Variants in FOCAD observed in about 807,000 individuals in gnomAD.
The protein encoded by FOCAD is KIAA1797.
A neutral mutation model predicts 225.6 loss-of-function variants in FOCAD; 198 were observed. The observed-to-expected ratio is 0.88, with a 90% CI of 0.78 to 0.99. The LOEUF is 0.99. FOCAD is among the 50% of genes least tolerant of loss of function. FOCAD has a pLI of 0.00. For missense variants in FOCAD, 2,713 were observed against 2,123.6 expected (o/e 1.28, Z -5.46); for synonymous variants, 897 against 755.0 (o/e 1.19, Z -3.08).
rs550289375 is a variant in FOCAD at position 20,696,802 on chromosome 9, TATA to T, written c.-33+12533_-33+12535del. 1.7e-3 allele frequency among the ~76,000 whole-genome samples: 257 copies of T among 150,914 alleles called. 1 individual carries two copies. Among genetic ancestry groups the T allele is most frequent in the African/African-American group, 5.1e-3 (212 of 41,198 alleles). ...CCTGGGTGACAGCAAGACTCTATCT[TATA>T]ATAATAATAATAATAATAATAATTA... On this transcript the variant is annotated intron_variant, in intron 1 of 43. Transcript: ENST00000338382.
chr9:20,934,960 G>A (rs1304355817), intron 28 of FOCAD, among the ~76,000 whole-genome samples: 2 of 152,084 alleles, frequency 1.3e-5, no homozygotes, highest in Non-Finnish European at 2.9e-5. Flanking sequence ...AAACACTGCT[G>A]AAAGAAATCA....
At chr9:20,723,712 C>A (rs890955478) in intron 4 of FOCAD, among the ~76,000 whole-genome samples, 8 of 152,034 alleles carry the variant, frequency 5.3e-5, no homozygotes, top group African/African-American at 1.9e-4. Context: ...GAAATAGTAG[C>A]CTATTACATA....
chr9:20,959,298 A>G (rs969321617), intron 35 of FOCAD, among the ~76,000 whole-genome samples: 5 of 152,110 alleles, frequency 3.3e-5, no homozygotes, highest in Admixed American at 1.3e-4. Context: ...ATGATTAGTG[A>G]TGCTGAGCAG....
In FOCAD at chr9:20,715,420, T is replaced by A; in HGVS notation, c.57+10T>A. The A allele has an allele frequency of 6.7e-7, 1 of 1,483,112 alleles. No individual in the cohort carries two copies. The highest frequency in any genetic ancestry group is 9.1e-7 in the Non-Finnish European group (1 of 1,104,616). 91.9% of individuals were successfully genotyped at this position (1,483,112 alleles called of 1,614,324 possible). On this transcript the variant is annotated intron_variant, in intron 2 of 43. Transcript: ENST00000338382. ...TCTTATCCAATCACAGGTAATTTTG[T>A]TTGTTTATTTTTGCTCATGGTAACA...
intron 1 of FOCAD, among the ~76,000 whole-genome samples, chr9:20,689,951 T>C (rs776848381): frequency 3.3e-5 from 5 of 152,228 alleles, no homozygotes; most frequent in Non-Finnish European, 5.9e-5. Flanking sequence ...GCCTATTTGC[T>C]TTGATGTACC....
At chr9:20,749,605 A>G (rs1828362905) in intron 5 of FOCAD, among the ~76,000 whole-genome samples, 1 of 152,180 alleles carries the variant, frequency 6.6e-6, no homozygotes, top group Non-Finnish European at 1.5e-5. Context: ...TTTAAAATGC[A>G]TATTTGATGT....
chr9:20,770,465 G>A (rs1389490167), intron 8 of FOCAD, among the ~76,000 whole-genome samples: 1 of 151,370 alleles, frequency 6.6e-6, no homozygotes, highest in African/African-American at 2.4e-5. Flanking sequence ...AGGAGTGAGA[G>A]AGAGGAGTGG....
At chr9:20,947,994 T>C (rs1441744151) in intron 30 of FOCAD, among the ~76,000 whole-genome samples, 1 of 152,140 alleles carries the variant, frequency 6.6e-6, no homozygotes, top group African/African-American at 2.4e-5. Context: ...TTGTTTGAGC[T>C]AAGCTGCTCA....
At chr9:20,772,481 G>C (rs1818336577) in intron 8 of FOCAD, among the ~76,000 whole-genome samples, 2 of 152,066 alleles carry the variant, frequency 1.3e-5, no homozygotes, top group Non-Finnish European at 2.9e-5. Flanking sequence ...ATGTCTAGAA[G>C]GATCATATAT....
At chr9:20,770,498 C>T (rs1465532685) in intron 8 of FOCAD, among the ~76,000 whole-genome samples, 1 of 152,174 alleles carries the variant, frequency 6.6e-6, no homozygotes, top group Non-Finnish European at 1.5e-5. Flanking sequence ...CGCTTTTAAA[C>T]AACCAGATCT....
chr9:20,946,867 C>T (rs773104886), intron 30 of FOCAD, 47 bp downstream of exon 30: 1 of 1,603,666 alleles, frequency 6.2e-7, no homozygotes, highest in South Asian at 1.1e-5. Context: ...TCTCATGCTG[C>T]TGCTAAGTTT....
intron 19 of FOCAD, among the ~76,000 whole-genome samples, chr9:20,877,947 C>G (rs191049138): frequency 6.6e-6 from 1 of 152,112 alleles, no homozygotes; most frequent in Admixed American, 6.6e-5. Flanking sequence ...CGGGTTACCA[C>G]TCTTTATGCA....
chr9:20,964,717 G>T (rs1345034468), intron 35 of FOCAD, among the ~76,000 whole-genome samples: 1 of 152,126 alleles, frequency 6.6e-6, no homozygotes, highest in Non-Finnish European at 1.5e-5. Context: ...TGTATTTTTA[G>T]TAGAGACAGG....
intron 2 of FOCAD, among the ~76,000 whole-genome samples, chr9:20,662,536 C>G (rs537119673): frequency 6.6e-6 from 1 of 152,300 alleles, no homozygotes; most frequent in East Asian, 1.9e-4. Flanking sequence ...CAGCCTGCAT[C>G]TGGTTTCAGC....
Position 20,951,037 on chromosome 9 carries a change from A to T in FOCAD, c.3990A>T (p.Ala1330=), listed in dbSNP as rs1325994507. ...VSGVIGLQSN[A]VWLLGHLHLS... The stretch of plus-strand genomic sequence containing the variant: ...GGGTGATTGGTCTCCAGTCAAATGC[A>T]GTCTGGCTTCTTGGACATCTTCATC... The change falls in exon 34 of 44, where the codon GCA becomes GCT. Residue 1330 remains alanine (A), a synonymous_variant. Transcript: ENST00000338382. 6.2e-6 allele frequency: 10 copies of T among 1,613,522 alleles called. No individual in the cohort carries two copies. Among genetic ancestry groups the T allele is most frequent in the Non-Finnish European group, 8.5e-7 (1 of 1,179,658 alleles).
intron 18 of FOCAD, among the ~76,000 whole-genome samples, chr9:20,872,259 A>C (rs1829846183): frequency 6.6e-6 from 1 of 152,140 alleles, no homozygotes; most frequent in East Asian, 1.9e-4. Flanking sequence ...CTTTATCCGC[A>C]ATCTTTCTTT....
chr9:20,982,053 C>T lies in FOCAD; in HGVS notation c.4639-304C>T, dbSNP rs138761072. ...GTTTATATAAAACAATTTAGCATCG[C>T]CCTTCCCTCCCCCAAAAGACCTCTG... On this transcript the variant is annotated intron_variant, in intron 38 of 43. Transcript: ENST00000338382. Among the ~76,000 whole-genome samples, 495 of 152,224 alleles carry T rather than the reference C, an allele frequency of 3.3e-3. 3 individuals are homozygous for T. The highest frequency in any genetic ancestry group is 0.012 in the African/African-American group (480 of 41,526).
chr9:20,802,525 C>G (rs1821958431), intron 11 of FOCAD, among the ~76,000 whole-genome samples: 1 of 152,050 alleles, frequency 6.6e-6, no homozygotes, highest in Non-Finnish European at 1.5e-5. Flanking sequence ...CTCCTAGTAA[C>G]CTTGGACAGT....
chr9:20,720,319 G>A (rs950483514), intron 3 of FOCAD, 61 bp from the exon 4 acceptor site: 5 of 1,117,606 alleles, frequency 4.5e-6, no homozygotes, highest in Non-Finnish European at 6.2e-6. Context: ...ATGACCAAAG[G>A]TGTGTGTGTG....
Sources: gnomAD v4.1 joint callset for allele counts (sites outside exome capture counted in the v4.1 genomes callset) on GRCh38, gnomAD v4.1.1 for gene constraint, MANE v1.5 for transcripts, NCBI Gene and HGNC (gene_info 2026-07-23, HGNC 2026-07-21) for gene names.